The following WT1 variants were observed in gnomAD, a reference collection of about 807,000 sequenced individuals.
The protein encoded by WT1 is WT1 transcription factor.
WT1 carries 8 observed loss-of-function variants against 60.8 expected under a neutral mutation model. The ratio of observed to expected loss-of-function variants is 0.13; its 90% CI spans 0.08 to 0.24. WT1 has a LOEUF of 0.24. Among genes scored for constraint, WT1 ranks in the 10% least tolerant of loss-of-function variants. The pLI, the probability that WT1 is intolerant of heterozygous loss-of-function variation, is 1.00. For missense variants in WT1, 568 were observed against 711.8 expected (o/e 0.80, Z 2.30); for synonymous variants, 312 against 297.1 (o/e 1.05, Z -0.52).
intron 5 of WT1, among the ~76,000 whole-genome samples, chr11:32,414,307 C>T (rs190593544): frequency 2.5e-4 from 38 of 152,290 alleles, no homozygotes; most frequent in Middle Eastern, 3.4e-3. Flanking sequence ...GGGTCTCACT[C>T]TATCGCCCAG....
intron 5 of WT1, among the ~76,000 whole-genome samples, chr11:32,414,481 T>C (rs1371718816): frequency 1.3e-5 from 2 of 152,104 alleles, no homozygotes; most frequent in Admixed American, 6.5e-5. Flanking sequence ...CACCACATTG[T>C]CCAAGCTGAT....
chr11:32,430,879 C>T (rs189149007), intron 1 of WT1: 689 of 1,183,854 alleles, frequency 5.8e-4, no homozygotes, highest in Non-Finnish European at 6.9e-4. Context: ...GATTAGAGCG[C>T]GCTGTCCCTG....
At chr11:32,393,577 C>G (rs551252679) in intron 7 of WT1, among the ~76,000 whole-genome samples, 28 of 152,330 alleles carry the variant, frequency 1.8e-4, no homozygotes, top group African/African-American at 6.7e-4. Flanking sequence ...AGGCAGCCCC[C>G]TGTTACCTTT....
chr11:32,435,070 A>C lies in WT1; in HGVS notation c.291T>G (p.Cys97Trp), dbSNP rs750588084. ...GCGCCGCGCCGCTCACAGGCAGGGC[A>C]CAGCCGCCGCCGCCACCCAGGGAGG... The change falls in exon 1 of 10, where the codon TGT becomes TGG. Residue 97 changes from cysteine to tryptophan, a missense_variant. Physicochemically the swap from Cys to Trp is radical, Grantham distance 215. Around this residue, in one of 3 missense-constraint regions of WT1, gnomAD observed 523 missense variants for 565.1 expected, o/e 0.93. Coordinates refer to ENST00000452863, the MANE Select transcript of WT1 (RefSeq NM_024426.6). 1 of 1,487,564 alleles carries C rather than the reference A, an allele frequency of 6.7e-7. No homozygotes were observed. The highest frequency in any genetic ancestry group is 1.3e-5 in the South Asian group (1 of 77,976). 92.1% of individuals were successfully genotyped at this position (1,487,564 alleles called of 1,614,324 possible).
intron 7 of WT1, among the ~76,000 whole-genome samples, chr11:32,395,264 A>G (rs1851932280): frequency 6.6e-6 from 1 of 152,210 alleles, no homozygotes; most frequent in Admixed American, 6.5e-5. Flanking sequence ...GCTCCTCTGT[A>G]GGAAAACCTG....
chr11:32,401,296 G>A (rs1269738016), intron 5 of WT1, among the ~76,000 whole-genome samples: 2 of 152,180 alleles, frequency 1.3e-5, no homozygotes, highest in East Asian at 3.8e-4. Context: ...TCCAGAATAA[G>A]CAAATCTGTA....
intron 5 of WT1, among the ~76,000 whole-genome samples, chr11:32,409,735 C>T (rs1031519753): frequency 6.6e-6 from 1 of 152,024 alleles, no homozygotes; most frequent in African/African-American, 2.4e-5. Flanking sequence ...CATGAGCCAC[C>T]GAGCCTGGCA....
chr11:32,413,034 T>C (rs931538386), intron 5 of WT1, among the ~76,000 whole-genome samples: 1 of 152,180 alleles, frequency 6.6e-6, no homozygotes, highest in Admixed American at 6.5e-5. Context: ...GTGGACTTGC[T>C]TGGGATACAA....
chr11:32,430,492 CG>C, intron 1 of WT1: 1 of 1,234,334 alleles, frequency 8.1e-7, no homozygotes, highest in Non-Finnish European at 1.0e-6. Flanking sequence ...GAGAGAGAGA[CG>C]AAATAGAAGC....
intron 3 of WT1, among the ~76,000 whole-genome samples, chr11:32,423,662 C>G (rs1313266223): frequency 6.6e-6 from 1 of 152,180 alleles, no homozygotes; most frequent in East Asian, 1.9e-4. Context: ...ATTTGAACAC[C>G]ACTTCCGTCC....
chr11:32,417,641 G>A lies in WT1; in HGVS notation c.901C>T (p.Gln301Ter), dbSNP rs547775568. The A allele has an allele frequency of 6.2e-7, 1 of 1,613,768 alleles. No homozygotes were observed. The highest frequency in any genetic ancestry group is 1.1e-5 in the South Asian group (1 of 91,064). ...ATGCATTCAAGCTGGGATGTCATTT[G>A]GTATAAATTGTCACTGTTAGAAAAA... Residue 301 changes from glutamine (Q) to a stop codon, truncating the protein, a stop_gained, in exon 4 of 10, where the codon CAA becomes TAA. Transcript: ENST00000452863. LOFTEE classifies it high-confidence loss of function.
chr11:32,412,030 C>T (rs1479530854), intron 5 of WT1, among the ~76,000 whole-genome samples: 3 of 152,130 alleles, frequency 2.0e-5, no homozygotes, highest in African/African-American at 4.8e-5. Flanking sequence ...TCTCAGGCTC[C>T]GGGAGCCACT....
At chr11:32,422,126 G>A (rs1039946862) in intron 3 of WT1, among the ~76,000 whole-genome samples, 3 of 152,154 alleles carry the variant, frequency 2.0e-5, no homozygotes, top group African/African-American at 7.2e-5. Flanking sequence ...CCCTTTTCCT[G>A]TGCTCCTCCC....
chr11:32,423,153 A>G (rs549629515), intron 3 of WT1, among the ~76,000 whole-genome samples: 2 of 152,314 alleles, frequency 1.3e-5, no homozygotes, highest in South Asian at 2.1e-4. Context: ...GTTGGACCCC[A>G]CTACTCCCTA....
At chr11:32,416,422 C>A in intron 5 of WT1, 68 bp downstream of exon 5, 1 of 1,601,802 alleles carries the variant, frequency 6.2e-7, no homozygotes, top group East Asian at 2.2e-5. Context: ...CTAACTCCTG[C>A]ATTGCCCCAG....
At chr11:32,405,912 T>C (rs1338850670) in intron 5 of WT1, among the ~76,000 whole-genome samples, 11 of 152,206 alleles carry the variant, frequency 7.2e-5, no homozygotes, top group Non-Finnish European at 1.5e-4. Context: ...TGGATAATCC[T>C]GGTGGTATTA....
intron 1 of WT1, among the ~76,000 whole-genome samples, chr11:32,429,622 T>A (rs1444555739): frequency 2.0e-5 from 3 of 152,116 alleles, no homozygotes; most frequent in Non-Finnish European, 4.4e-5. Flanking sequence ...TAAAGATACG[T>A]CATTGGCCCC....
chr11:32,407,713 T>C (rs16923242), intron 5 of WT1, among the ~76,000 whole-genome samples: 44,130 of 151,982 alleles, frequency 0.29, 7,275 homozygotes, highest in East Asian at 0.68. Flanking sequence ...GCCTGATTCT[T>C]TTCAGTGTTG....
intron 3 of WT1, among the ~76,000 whole-genome samples, chr11:32,426,244 C>T (rs1361844906): frequency 1.3e-5 from 2 of 152,162 alleles, no homozygotes; most frequent in African/African-American, 4.8e-5. Context: ...GTGTGACACA[C>T]CAACTGAGTC....
Sources: gnomAD v4.1 joint callset for allele counts (sites outside exome capture counted in the v4.1 genomes callset) on GRCh38, gnomAD v4.1.1 for gene constraint, gnomAD v4.1.1 regional missense constraint, MANE v1.5 for transcripts, NCBI Gene and HGNC (gene_info 2026-07-23, HGNC 2026-07-21) for gene names.